Variants in PLXNC1 observed in about 807,000 individuals in gnomAD.
PLXNC1 encodes the protein plexin C1, also known as plexin-C1.
Under a neutral mutation model 178.2 loss-of-function variants are expected in PLXNC1, and 75 were observed. The observed-to-expected ratio is 0.42, with a 90% confidence interval of 0.35 to 0.51. PLXNC1 has a LOEUF of 0.51. Among genes scored for constraint, PLXNC1 ranks in the 20% least tolerant of loss-of-function variants. The pLI is 0.02. For missense variants in PLXNC1, 1,503 were observed against 1,984.4 expected (o/e 0.76, Z 4.61); for synonymous variants, 790 against 779.9 (o/e 1.01, Z -0.22).
Position 94,149,814 on chromosome 12 carries a change from C to T in PLXNC1, c.843C>T (p.Leu281=), listed in dbSNP as rs1278636550. 6 of 1,602,380 alleles carry T rather than the reference C, an allele frequency of 3.7e-6. No homozygotes were observed. Among genetic ancestry groups the T allele is most frequent in the Non-Finnish European group, 5.1e-6 (6 of 1,176,066 alleles). ...TEVLFQGQAS[L]DCGHGHPDGR... is the part of the protein sequence containing the mutation. Reference sequence around the variant, plus strand: ...TGCTGTTCCAGGGCCAGGCATCCCTCGACTGCGGCCACGGCCACCCCGACG... The same window carrying T: ...TGCTGTTCCAGGGCCAGGCATCCCTTGACTGCGGCCACGGCCACCCCGACG... Residue 281 remains leucine, a synonymous_variant, in exon 1 of 31, where the codon CTC becomes CTT. Transcript: ENST00000258526.
intron 23 of PLXNC1, 133 bp from the exon 24 acceptor site, chr12:94,294,353 A>G: frequency 3.5e-6 from 2 of 565,218 alleles, no homozygotes; most frequent in South Asian, 4.0e-5. Context: ...TGCCCAGAAC[A>G]TAGTAATTCT....
intron 15 of PLXNC1, among the ~76,000 whole-genome samples, chr12:94,254,275 G>A (rs1439114756): frequency 6.6e-6 from 1 of 152,252 alleles, no homozygotes; most frequent in Non-Finnish European, 1.5e-5. Context: ...AGGTATGGGA[G>A]TTCCTTGTGG....
At position 94,186,098 on chromosome 12, in the gene PLXNC1, A is replaced by G. The variant is rs115408028; in HGVS notation, c.1339-275A>G. On this transcript the variant is annotated intron_variant, in intron 3 of 30. Transcript: ENST00000258526. The stretch of plus-strand genomic sequence containing the variant: ...GTGTCTTTAAGAAAAAAATCTTTTA[A>G]ATGAAAAAATACAACTTCCTAGGCT... 1.9e-3 allele frequency: 540 copies of G among 289,092 alleles called. 3 individuals are homozygous for G. Among genetic ancestry groups the G allele is most frequent in the African/African-American group, 0.011 (498 of 47,168 alleles). The allele number at this position is 289,092 out of a possible 1,614,324, so 17.9% of individuals were successfully genotyped here.
rs1354990561 is a variant in PLXNC1 at position 94,279,573 on chromosome 12, C to T, written c.3699C>T (p.Ala1233=). 3.1e-6 allele frequency: 5 copies of T among 1,614,140 alleles called. No homozygotes were observed. Among genetic ancestry groups the T allele is most frequent in the Non-Finnish European group, 4.2e-6 (5 of 1,179,988 alleles). The change falls in exon 22 of 31, where the codon GCC becomes GCT. Residue 1233 remains alanine (A), a synonymous_variant. Transcript: ENST00000258526. ...NVLDCDTIGQ[A]KEKIFQAFLS... ...TCGACTGTGACACCATTGGCCAAGC[C>T]AAAGAAAAGATTTTCCAAGCATTCT... is the stretch of plus-strand genomic sequence containing the variant.
intron 21 of PLXNC1, among the ~76,000 whole-genome samples, chr12:94,276,421 T>TA (rs59065342): frequency 0.025 from 3,174 of 128,650 alleles, 115 homozygotes; most frequent in African/African-American, 0.084. Flanking sequence ...CAGCCTGAGC[T>TA]AAGCCAGGGT....
At chr12:94,174,228 A>G (rs966963183) in intron 2 of PLXNC1, among the ~76,000 whole-genome samples, 1 of 151,784 alleles carries the variant, frequency 6.6e-6, no homozygotes, top group Non-Finnish European at 1.5e-5. Context: ...TCTGTTGCCC[A>G]GGCTGGAGTG....
At chr12:94,191,521 C>T (rs904398857) in intron 4 of PLXNC1, among the ~76,000 whole-genome samples, 9 of 152,160 alleles carry the variant, frequency 5.9e-5, no homozygotes, top group South Asian at 2.1e-4. Context: ...TGGTGGCTCA[C>T]GCCTGTAATC....
chr12:94,156,862 C>T (rs1205156034), intron 1 of PLXNC1, among the ~76,000 whole-genome samples: 1 of 152,016 alleles, frequency 6.6e-6, no homozygotes, highest in African/African-American at 2.4e-5. Context: ...CACACACCAC[C>T]ATGCCAGGCT....
chr12:94,267,217 G>A (rs1348645229), intron 21 of PLXNC1, among the ~76,000 whole-genome samples: 5 of 152,182 alleles, frequency 3.3e-5, no homozygotes, highest in Non-Finnish European at 5.9e-5. Flanking sequence ...AGACAACACC[G>A]GACCCAAACA....
chr12:94,306,331 T>C lies in PLXNC1; in HGVS notation c.*1046T>C, dbSNP rs886904779. On this transcript the variant is annotated 3_prime_UTR_variant, in exon 31 of 31. Transcript: ENST00000258526. ...GCCCAAGGCCTGAAAAATATTAGTA[T>C]ACAACTTGGTATCTTAGTCTTACTA... 1.3e-5 allele frequency: 2 copies of C among 152,200 alleles called. No homozygotes were observed. The highest frequency in any genetic ancestry group is 3.8e-4 in the East Asian group (2 of 5,206). 9.4% of individuals were successfully genotyped at this position (152,200 alleles called of 1,614,324 possible). A position where few individuals can be genotyped will look rare whatever the true frequency, so the allele number is the denominator to read the frequency against.
At chr12:94,246,098 G>T (rs1964521174) in intron 12 of PLXNC1, among the ~76,000 whole-genome samples, 2 of 152,258 alleles carry the variant, frequency 1.3e-5, no homozygotes, top group Non-Finnish European at 2.9e-5. Context: ...CACGAGAAAA[G>T]AAGAGAGTGT....
At chr12:94,169,592 C>A (rs926085461) in intron 2 of PLXNC1, among the ~76,000 whole-genome samples, 13 of 152,202 alleles carry the variant, frequency 8.5e-5, no homozygotes, top group African/African-American at 2.9e-4. Context: ...CCTACCCCAA[C>A]CCTGACTCAC....
In PLXNC1 at chr12:94,163,188, A is replaced by G. The variant is rs192340374; in HGVS notation, c.1063-5965A>G. On this transcript the variant is annotated intron_variant, in intron 1 of 30. Coordinates refer to ENST00000258526, the MANE Select transcript of PLXNC1 (RefSeq NM_005761.3). The stretch of plus-strand genomic sequence containing the variant: ...AGACCAGCCTAGCCAACATAGTGAA[A>G]CCCCATCTCTACTAAAAATACAATA... Among the ~76,000 whole-genome samples, 266 of 152,142 alleles carry G rather than the reference A, an allele frequency of 1.7e-3. 3 individuals carry two copies. Among genetic ancestry groups the G allele is most frequent in the Admixed American group, 0.015 (234 of 15,278 alleles).
In PLXNC1 at chr12:94,297,737, CTTG is replaced by C. The variant is rs987068330; in HGVS notation, c.4074+317_4074+319del. Reference sequence around the variant, plus strand: ...CAGCATAATTATTCCTTTTGGTTTACTTGTTATTATAGATGAGCAATAAAACTC... The same window carrying C: ...CAGCATAATTATTCCTTTTGGTTTACTTATTATAGATGAGCAATAAAACTC... On this transcript the variant is annotated intron_variant, in intron 26 of 30. Transcript: ENST00000258526. Among the ~76,000 whole-genome samples, 75 of 152,234 alleles carry C rather than the reference CTTG, an allele frequency of 4.9e-4. 1 individual carries two copies. The highest frequency in any genetic ancestry group is 1.8e-3 in the African/African-American group (74 of 41,554).
chr12:94,174,294 C>G (rs534859640), intron 2 of PLXNC1, among the ~76,000 whole-genome samples: 1 of 152,226 alleles, frequency 6.6e-6, no homozygotes, highest in South Asian at 2.1e-4. Flanking sequence ...AAGCGATCCT[C>G]CCACCTCAGC....
At chr12:94,164,109 G>T (rs1961499059) in intron 1 of PLXNC1, among the ~76,000 whole-genome samples, 1 of 152,114 alleles carries the variant, frequency 6.6e-6, no homozygotes, top group African/African-American at 2.4e-5. Flanking sequence ...GCCAGAACTT[G>T]GGTGCAGGGC....
At chr12:94,227,666 C>T (rs370994919) in intron 9 of PLXNC1, among the ~76,000 whole-genome samples, 4 of 151,960 alleles carry the variant, frequency 2.6e-5, no homozygotes, top group East Asian at 3.8e-4. Context: ...TTTGTAGGGA[C>T]GTCTAACCAG....
chr12:94,255,361 G>C, intron 17 of PLXNC1, 65 bp downstream of exon 17: 1 of 1,124,828 alleles, frequency 8.9e-7, no homozygotes, highest in Admixed American at 1.7e-5. Context: ...GCTTGTTGCT[G>C]TTGTCAAAAC....
rs74818135 is a variant in PLXNC1 at position 94,173,522 on chromosome 12, A to G, written c.1203+4229A>G. ...GCTGGGCATTAGAACCAGCATCTGC[A>G]CGGGTTAACTGGTTTAATCCTTACC... is the stretch of plus-strand genomic sequence containing the variant. On this transcript the variant is annotated intron_variant, in intron 2 of 30. Coordinates refer to ENST00000258526, the MANE Select transcript of PLXNC1 (RefSeq NM_005761.3). Among the ~76,000 whole-genome samples, 1,055 of 152,274 alleles carry G rather than the reference A, an allele frequency of 6.9e-3. 13 individuals carry two copies. The highest frequency in any genetic ancestry group is 0.011 in the Non-Finnish European group (762 of 68,010).
Sources: gnomAD v4.1 joint callset for allele counts (sites outside exome capture counted in the v4.1 genomes callset) on GRCh38, gnomAD v4.1.1 for gene constraint, MANE v1.5 for transcripts, NCBI Gene and HGNC (gene_info 2026-07-23, HGNC 2026-07-21) for gene names.